The following ANXA4 variants were observed in gnomAD, a reference collection of about 807,000 sequenced individuals.
The protein encoded by ANXA4 is annexin A4.
Under a neutral mutation model 49.8 loss-of-function variants are expected in ANXA4, and 39 were observed. That is an observed-to-expected ratio of 0.78 (90% confidence interval 0.61 to 1.02). The LOEUF (loss-of-function observed/expected upper bound fraction) is 1.02, where lower values mean the gene tolerates loss of function less well. Ranked by LOEUF, ANXA4 falls within the 50% of genes least tolerant of loss-of-function variation. The pLI is 0.00. For synonymous variants in ANXA4, 134 were observed against 152.5 expected (o/e 0.88, Z 0.89); for missense variants, 360 against 410.1 (o/e 0.88, Z 1.05).
At chr2:69,689,631 C>T (rs1287280285) in intron 2 of ANXA4, among the ~76,000 whole-genome samples, 1 of 152,122 alleles carries the variant, frequency 6.6e-6, no homozygotes, top group African/African-American at 2.4e-5. Context: ...TATGGCGTAT[C>T]ATAATAATGA....
At chr2:69,794,674 T>C (rs1672856582) in intron 3 of ANXA4, among the ~76,000 whole-genome samples, 1 of 152,146 alleles carries the variant, frequency 6.6e-6, no homozygotes, top group Non-Finnish European at 1.5e-5. Context: ...GCCATTCTCT[T>C]GCCTCAGCCT....
intron 2 of ANXA4, among the ~76,000 whole-genome samples, chr2:69,715,608 A>C (rs1678855987): frequency 6.6e-6 from 1 of 152,222 alleles, no homozygotes; most frequent in Non-Finnish European, 1.5e-5. Context: ...TAACCCTCAC[A>C]ACACATCCCT....
chr2:69,763,265 G>T (rs888489550), intron 1 of ANXA4, among the ~76,000 whole-genome samples: 1 of 152,140 alleles, frequency 6.6e-6, no homozygotes, highest in Non-Finnish European at 1.5e-5. Flanking sequence ...GATGACTTCG[G>T]GGCGCGGGAG....
upstream of ANXA4, chr2:69,643,809 C>T (rs895523530): frequency 8.4e-7 from 1 of 1,184,622 alleles, no homozygotes; most frequent in African/African-American, 1.6e-5. Flanking sequence ...TGAACCGCCG[C>T]CGGAAGTGCC....
At chr2:69,781,064 G>T (rs1275700133) in intron 1 of ANXA4, 1 of 153,674 alleles carries the variant, frequency 6.5e-6, no homozygotes, top group African/African-American at 2.4e-5. Flanking sequence ...CTGCCGGCCT[G>T]TCATTACACA....
chr2:69,646,821 T>G (rs1312230783), intron 1 of ANXA4, among the ~76,000 whole-genome samples: 1 of 152,196 alleles, frequency 6.6e-6, no homozygotes, highest in African/African-American at 2.4e-5. Context: ...CACTAGATGC[T>G]GACTAACTGT....
At chr2:69,759,958 G>A (rs1203629488) in intron 1 of ANXA4, among the ~76,000 whole-genome samples, 4 of 151,842 alleles carry the variant, frequency 2.6e-5, no homozygotes, top group Admixed American at 6.6e-5. Flanking sequence ...TCAGCCTCCC[G>A]AGTAGCTGGG....
At chr2:69,753,378 C>T (rs1257000536) in intron 1 of ANXA4, among the ~76,000 whole-genome samples, 1 of 152,100 alleles carries the variant, frequency 6.6e-6, no homozygotes, top group East Asian at 1.9e-4. Context: ...GTCTCTGGGG[C>T]CCACCCAAGA....
chr2:69,723,742 G>A (rs944813114), intron 3 of ANXA4, among the ~76,000 whole-genome samples: 1 of 152,154 alleles, frequency 6.6e-6, no homozygotes, highest in African/African-American at 2.4e-5. Flanking sequence ...TAGAGACAGG[G>A]TCTTGCTATA....
At chr2:69,811,873 C>T (rs1021831584) in intron 7 of ANXA4, among the ~76,000 whole-genome samples, 4 of 152,140 alleles carry the variant, frequency 2.6e-5, no homozygotes, top group African/African-American at 9.7e-5. Flanking sequence ...CTCTTTTCCT[C>T]CCATATTTAC....
chr2:69,802,784 C>T (rs1348656201), intron 3 of ANXA4, among the ~76,000 whole-genome samples: 5 of 151,858 alleles, frequency 3.3e-5, no homozygotes, highest in Non-Finnish European at 7.4e-5. Flanking sequence ...TGATCCCTTT[C>T]ACAGAAACAG....
chr2:69,739,210 C>G (rs549497435), upstream of ANXA4, among the ~76,000 whole-genome samples: 7 of 152,272 alleles, frequency 4.6e-5, no homozygotes, highest in South Asian at 1.4e-3. Flanking sequence ...GTGCAGCAAA[C>G]TCTCCTATCC....
At chr2:69,714,381 C>T (rs1001075405) in intron 2 of ANXA4, among the ~76,000 whole-genome samples, 6 of 152,218 alleles carry the variant, frequency 3.9e-5, no homozygotes, top group East Asian at 1.9e-4. Flanking sequence ...CAAATATAAA[C>T]GACTCTATAG....
chr2:69,709,308 G>A (rs115133668), intron 2 of ANXA4, among the ~76,000 whole-genome samples: 14 of 152,280 alleles, frequency 9.2e-5, no homozygotes, highest in Admixed American at 2.0e-4. Flanking sequence ...AGTTTACTTC[G>A]TCAAAGTCTG....
At chr2:69,770,816 A>G (rs1671677596) in intron 1 of ANXA4, among the ~76,000 whole-genome samples, 1 of 152,052 alleles carries the variant, frequency 6.6e-6, no homozygotes, top group African/African-American at 2.4e-5. Flanking sequence ...AGTGCCAGGC[A>G]TGGTGGTTCA....
At chr2:69,737,175 C>T (rs777958229), upstream of ANXA4, among the ~76,000 whole-genome samples, 1 of 152,172 alleles carries the variant, frequency 6.6e-6, no homozygotes, top group Non-Finnish European at 1.5e-5. Context: ...AATCAGATGC[C>T]ATTCCGATTC....
In ANXA4 at chr2:69,786,725, TG is replaced by T. The variant is rs1386178626; in HGVS notation, c.10-1328del. Among the ~76,000 whole-genome samples, 11 of 152,328 alleles carry T rather than the reference TG, an allele frequency of 7.2e-5. No homozygotes were observed. In the South Asian group the frequency reaches 1.7e-3, roughly 23 times the overall value. On this transcript the variant is annotated intron_variant, in intron 2 of 12. Transcript: ENST00000394295. ...TTAACTCATGGTCACTCCTGTTTTT[TG>T]TCTTTGTTTTTTTGAGACAGGGTCT...
chr2:69,771,290 G>T (rs1671707394), intron 1 of ANXA4, among the ~76,000 whole-genome samples: 1 of 151,994 alleles, frequency 6.6e-6, no homozygotes, highest in African/African-American at 2.4e-5. Context: ...TCTGACCCCC[G>T]ACCACTGGCT....
chr2:69,656,231 ATATATATACG>A (rs1173298400), intron 2 of ANXA4, among the ~76,000 whole-genome samples: 12 of 129,018 alleles, frequency 9.3e-5, no homozygotes, highest in African/African-American at 1.4e-4. Context: ...GTATATATGT[ATATATATACG>A]TATATATATG....
Sources: gnomAD v4.1 joint callset for allele counts (sites outside exome capture counted in the v4.1 genomes callset) on GRCh38, gnomAD v4.1.1 for gene constraint, MANE v1.5 for transcripts, NCBI Gene and HGNC (gene_info 2026-07-23, HGNC 2026-07-21) for gene names.